The following DLGAP1 variants were observed in gnomAD, a reference collection of about 807,000 sequenced individuals.
The protein encoded by DLGAP1 is disks large-associated protein 1.
Under a neutral mutation model 90.8 loss-of-function variants are expected in DLGAP1, and 11 were observed. The observed-to-expected ratio is 0.12, with a 90% CI of 0.08 to 0.20. DLGAP1 has a LOEUF of 0.20. DLGAP1 is among the 10% of genes least tolerant of loss of function. The pLI is 1.00. For synonymous variants in DLGAP1, 558 were observed against 540.7 expected, an observed-to-expected ratio of 1.03 and a Z score of -0.44; for missense variants, 1,050 against 1,333.8, an observed-to-expected ratio of 0.79 and a Z score of 3.31.
chr18:3,781,437 C>T (rs952601030), intron 5 of DLGAP1, among the ~76,000 whole-genome samples: 4 of 151,788 alleles, frequency 2.6e-5, no homozygotes, highest in Admixed American at 6.6e-5. Flanking sequence ...CTGCAACCTC[C>T]GCCTTCCTGG....
At chr18:4,156,147 G>A (rs1253007361) in intron 1 of DLGAP1, among the ~76,000 whole-genome samples, 1 of 152,212 alleles carries the variant, frequency 6.6e-6, no homozygotes, top group African/African-American at 2.4e-5. Context: ...TGAGTCTAGA[G>A]CAGGCTTTTT....
chr18:3,873,157 A>AT lies in DLGAP1; in HGVS notation c.957+5954dup, dbSNP rs200294537. Among the ~76,000 whole-genome samples, 501 of 151,726 alleles carry AT rather than the reference A, an allele frequency of 3.3e-3. 4 individuals are homozygous for AT. Among genetic ancestry groups the AT allele is most frequent in the African/African-American group, 0.011 (461 of 41,404 alleles). Reference sequence around the variant, plus strand: ...GCTGCTTTCTCACAATGTTTTGTCAATTTTTTTTTCCCTTTATTAATTGGA... The same window carrying AT: ...GCTGCTTTCTCACAATGTTTTGTCAATTTTTTTTTTCCCTTTATTAATTGGA... On this transcript the variant is annotated intron_variant, in intron 4 of 12. Transcript: ENST00000315677.
At chr18:3,884,533 T>G (rs1488862166) in intron 3 of DLGAP1, among the ~76,000 whole-genome samples, 1 of 152,232 alleles carries the variant, frequency 6.6e-6, no homozygotes, top group East Asian at 1.9e-4. Context: ...AATCAGGTAT[T>G]CAGTATTTAA....
chr18:4,028,558 T>C (rs79286777), intron 2 of DLGAP1, among the ~76,000 whole-genome samples: 3,810 of 152,312 alleles, frequency 0.025, 140 homozygotes, highest in African/African-American at 0.087. Context: ...TGTATACATG[T>C]GTTGAAACAC....
intron 2 of DLGAP1, among the ~76,000 whole-genome samples, chr18:4,086,759 G>A (rs1470813961): frequency 2.0e-5 from 3 of 151,596 alleles, no homozygotes; most frequent in East Asian, 3.9e-4. Flanking sequence ...TAAAAAGAAT[G>A]TATATTCTTT....
At chr18:3,521,229 T>C (rs1399824762) in intron 10 of DLGAP1, among the ~76,000 whole-genome samples, 1 of 152,158 alleles carries the variant, frequency 6.6e-6, no homozygotes, top group Non-Finnish European at 1.5e-5. Context: ...GCTTGATCAA[T>C]CCATCCATAG....
chr18:3,646,794 G>A lies in DLGAP1; in HGVS notation c.1592-64546C>T, dbSNP rs929156088. ...CAAAAAATTAGCCGGGCGTGGTGGT[G>A]GGCGCCTGTAGTCCCAGCTACTCGG... On this transcript the variant is annotated intron_variant, in intron 7 of 12. Coordinates refer to ENST00000315677, the MANE Select transcript of DLGAP1 (RefSeq NM_004746.4). Among the ~76,000 whole-genome samples, 11 of 151,702 alleles carry A rather than the reference G, an allele frequency of 7.3e-5. No homozygotes were observed. The South Asian group carries it at 1.3e-3, about 17-fold the overall frequency.
chr18:4,318,623 C>G (rs904112381), intron 1 of DLGAP1, among the ~76,000 whole-genome samples: 3 of 152,098 alleles, frequency 2.0e-5, no homozygotes, highest in East Asian at 1.9e-4. Context: ...AAAAAGAAAT[C>G]AGGGATAGCA....
Position 4,117,116 on chromosome 18 carries a change from C to T in DLGAP1, c.-159+34064G>A, listed in dbSNP as rs184382751. Among the ~76,000 whole-genome samples the T allele has an allele frequency of 6.5e-3, 995 of 152,226 alleles. 7 individuals are homozygous for T. The highest frequency in any genetic ancestry group is 0.022 in the African/African-American group (932 of 41,522). On this transcript the variant is annotated intron_variant, in intron 2 of 12. Coordinates refer to ENST00000315677, the MANE Select transcript of DLGAP1 (RefSeq NM_004746.4). ...AGATACACACACAAAGGGAAGATCA[C>T]GTGAAGACAGCATGTGAAGACCACG...
Position 3,741,330 on chromosome 18 carries a change from T to TCAC in DLGAP1, c.1350+1002_1350+1004dup, listed in dbSNP as rs376924253. 4.5e-3 allele frequency among the ~76,000 whole-genome samples: 291 copies of TCAC among 63,994 alleles called. 1 individual carries two copies. Among genetic ancestry groups the TCAC allele is most frequent in the African/African-American group, 0.017 (239 of 14,044 alleles). The allele number at this position is 63,994 out of a possible 152,430, so 42.0% of individuals were successfully genotyped here. On this transcript the variant is annotated intron_variant, in intron 6 of 12. Coordinates refer to ENST00000315677, the MANE Select transcript of DLGAP1 (RefSeq NM_004746.4). Reference sequence around the variant, plus strand: ...CACATCACCACCACCACCACCACCATCACCACCACCACCACCACCACCACC... The same window carrying TCAC: ...CACATCACCACCACCACCACCACCATCACCACCACCACCACCACCACCACCACC...
intron 2 of DLGAP1, among the ~76,000 whole-genome samples, chr18:4,067,135 T>TGGA (rs1260623799): frequency 6.6e-6 from 1 of 151,906 alleles, no homozygotes; most frequent in Non-Finnish European, 1.5e-5. Flanking sequence ...TGAGAACACA[T>TGGA]GGACACATAG....
chr18:3,798,250 A>G (rs535077376), intron 5 of DLGAP1, among the ~76,000 whole-genome samples: 22 of 152,198 alleles, frequency 1.4e-4, no homozygotes, highest in Non-Finnish European at 2.9e-4. Context: ...CTTCCAACAG[A>G]GGAGAGGAGT....
intron 1 of DLGAP1, among the ~76,000 whole-genome samples, chr18:4,268,075 T>C (rs1326237726): frequency 6.6e-6 from 1 of 152,184 alleles, no homozygotes; most frequent in Non-Finnish European, 1.5e-5. Flanking sequence ...CTGGCTGTCA[T>C]AGATGTTTGT....
chr18:3,748,011 AAGAC>A (rs2063340774), intron 5 of DLGAP1, among the ~76,000 whole-genome samples: 1 of 152,232 alleles, frequency 6.6e-6, no homozygotes, highest in Non-Finnish European at 1.5e-5. Context: ...GCTCAGAAGA[AAGAC>A]AGTGTGCATA....
intron 7 of DLGAP1, among the ~76,000 whole-genome samples, chr18:3,591,188 T>G (rs1439032547): frequency 6.6e-6 from 1 of 151,992 alleles, no homozygotes; most frequent in African/African-American, 2.4e-5. Flanking sequence ...AGATTAAGAA[T>G]ATATTCAAGA....
chr18:4,148,277 A>G (rs1375131279), intron 2 of DLGAP1, among the ~76,000 whole-genome samples: 6 of 152,250 alleles, frequency 3.9e-5, no homozygotes, highest in African/African-American at 1.4e-4. Flanking sequence ...TTTCTACACA[A>G]TGGGCTAGGC....
At chr18:3,694,119 T>C (rs567811437) in intron 7 of DLGAP1, among the ~76,000 whole-genome samples, 2 of 151,476 alleles carry the variant, frequency 1.3e-5, no homozygotes, top group South Asian at 2.1e-4. Context: ...CTCCCACTTA[T>C]GAGTAAGAAC....
chr18:3,536,603 C>T (rs918272702), intron 9 of DLGAP1, among the ~76,000 whole-genome samples: 1 of 152,178 alleles, frequency 6.6e-6, no homozygotes, highest in African/African-American at 2.4e-5. Flanking sequence ...CTTAGTCATA[C>T]AGGTACAAAG....
chr18:4,154,681 T>C (rs2076727154), intron 1 of DLGAP1, among the ~76,000 whole-genome samples: 1 of 152,200 alleles, frequency 6.6e-6, no homozygotes, highest in African/African-American at 2.4e-5. Context: ...GATCTGACTC[T>C]TACAAAGTTT....
Sources: allele counts gnomAD v4.1 joint callset (sites outside exome capture counted in the v4.1 genomes callset), GRCh38; gene constraint gnomAD v4.1.1; transcripts MANE v1.5; gene names NCBI Gene and HGNC (gene_info 2026-07-23, HGNC 2026-07-21).